GLRA3: variants seen among roughly 807,000 people sequenced by gnomAD.
The protein encoded by GLRA3 is glycine receptor subunit alpha-3.
A neutral mutation model predicts 60.4 loss-of-function variants in GLRA3; 44 were observed. The ratio of observed to expected loss-of-function variants is 0.73; its 90% CI spans 0.57 to 0.94. The LOEUF is 0.94. Ranked by LOEUF, GLRA3 falls within the 40% of genes least tolerant of loss-of-function variation. The pLI is 0.00. For synonymous variants in GLRA3, 223 were observed against 192.9 expected (o/e 1.16, Z -1.29); for missense variants, 508 against 564.6 (o/e 0.90, Z 1.02).
intron 2 of GLRA3, among the ~76,000 whole-genome samples, chr4:174,771,765 C>T (rs1431964784): frequency 6.6e-6 from 1 of 152,046 alleles, no homozygotes; most frequent in Non-Finnish European, 1.5e-5. Flanking sequence ...GTCTTTATTT[C>T]TTGGATTTTA....
rs1732540144 is a variant in GLRA3 at position 174,638,062 on chromosome 4, G to T, written c.*5724C>A. 1 of 152,032 alleles carries T rather than the reference G, an allele frequency of 6.6e-6. No homozygotes were observed. Among genetic ancestry groups the T allele is most frequent in the Admixed American group, 6.6e-5 (1 of 15,250 alleles). The allele number at this position is 152,032 out of a possible 1,614,324, so 9.4% of individuals were successfully genotyped here. The stretch of plus-strand genomic sequence containing the variant: ...ATATGCTAGTTGTCTTATAGGAGGG[G>T]AATAAACTTACTTGGTATTTTAGGA... On this transcript the variant is annotated 3_prime_UTR_variant, in exon 10 of 10. Transcript: ENST00000274093.
intron 7 of GLRA3, among the ~76,000 whole-genome samples, chr4:174,671,898 G>A (rs564149003): frequency 2.6e-5 from 4 of 152,134 alleles, no homozygotes; most frequent in South Asian, 2.1e-4. Flanking sequence ...TGATCCACCC[G>A]CTTCTGCCTC....
chr4:174,805,777 A>C (rs1188365448), intron 1 of GLRA3, among the ~76,000 whole-genome samples: 1 of 152,198 alleles, frequency 6.6e-6, no homozygotes, highest in Admixed American at 6.5e-5. Context: ...ATTTTCAATA[A>C]ACCATAACAT....
intron 5 of GLRA3, among the ~76,000 whole-genome samples, chr4:174,700,782 T>C (rs534730123): frequency 1.3e-5 from 2 of 152,330 alleles, no homozygotes; most frequent in South Asian, 2.1e-4. Context: ...GTGGTCTGCA[T>C]AGATCAAACC....
At chr4:174,671,688 C>T (rs1733914925) in intron 7 of GLRA3, among the ~76,000 whole-genome samples, 1 of 152,088 alleles carries the variant, frequency 6.6e-6, no homozygotes, top group Admixed American at 6.6e-5. Flanking sequence ...CTCATTCTGT[C>T]ACCCAGGCTG....
chr4:174,684,992 A>C (rs1349162882), intron 5 of GLRA3, among the ~76,000 whole-genome samples: 3 of 152,198 alleles, frequency 2.0e-5, no homozygotes, highest in Non-Finnish European at 4.4e-5. Flanking sequence ...TGGGCAACAG[A>C]GTAAGACCCT....
rs1353286779 is a variant in GLRA3 at position 174,639,568 on chromosome 4, C to T, written c.*4218G>A. 1 of 151,998 alleles carries T rather than the reference C, an allele frequency of 6.6e-6. No individual in the cohort carries two copies. Among genetic ancestry groups the T allele is most frequent in the African/African-American group, 2.4e-5 (1 of 41,358 alleles). 9.4% of individuals were successfully genotyped at this position (151,998 alleles called of 1,614,324 possible). A position where few individuals can be genotyped will look rare whatever the true frequency, so the allele number is the denominator to read the frequency against. On this transcript the variant is annotated 3_prime_UTR_variant, in exon 10 of 10. Coordinates refer to ENST00000274093, the MANE Select transcript of GLRA3 (RefSeq NM_006529.4). ...AGCTTCCCCAGGATATTTTTCCCTGCCCTAGTTCCGTTTAAATTGTAGAGA... is the reference window on the plus strand; with the variant it reads ...AGCTTCCCCAGGATATTTTTCCCTGTCCTAGTTCCGTTTAAATTGTAGAGA...
intron 6 of GLRA3, 44 bp from the exon 7 acceptor site, chr4:174,677,336 C>A: frequency 9.4e-7 from 1 of 1,064,308 alleles, no homozygotes; most frequent in South Asian, 1.3e-5. Context: ...ACAAATAGGT[C>A]TTTGTTACGG....
At chr4:174,825,324 C>T (rs1740924514) in intron 1 of GLRA3, among the ~76,000 whole-genome samples, 1 of 151,838 alleles carries the variant, frequency 6.6e-6, no homozygotes, top group African/African-American at 2.4e-5. Context: ...CAAAACATAC[C>T]AAAAGCAAAA....
chr4:174,731,348 C>T (rs535430600), intron 3 of GLRA3, among the ~76,000 whole-genome samples: 13 of 152,162 alleles, frequency 8.5e-5, no homozygotes, highest in African/African-American at 1.9e-4. Flanking sequence ...GGCAAGTAAA[C>T]GGACAGTCAA....
At chr4:174,672,862 A>G (rs956528268) in intron 7 of GLRA3, among the ~76,000 whole-genome samples, 5 of 152,112 alleles carry the variant, frequency 3.3e-5, no homozygotes, top group African/African-American at 1.2e-4. Flanking sequence ...ACTTGAATCT[A>G]GAGATTCCCC....
intron 7 of GLRA3, among the ~76,000 whole-genome samples, chr4:174,661,510 A>T (rs1733439023): frequency 6.6e-6 from 1 of 152,136 alleles, no homozygotes; most frequent in Non-Finnish European, 1.5e-5. Flanking sequence ...GTTCTTATGA[A>T]GGTGCTTTTT....
chr4:174,697,590 C>T (rs888938409), intron 5 of GLRA3, among the ~76,000 whole-genome samples: 7 of 152,212 alleles, frequency 4.6e-5, no homozygotes, highest in Non-Finnish European at 8.8e-5. Flanking sequence ...AATTAAGCAT[C>T]TTCTTAGCAA....
intron 5 of GLRA3, among the ~76,000 whole-genome samples, chr4:174,692,272 G>T (rs1250270711): frequency 4.9e-5 from 7 of 143,010 alleles, no homozygotes; most frequent in Non-Finnish European, 1.1e-4. Context: ...GAGGTGGGGG[G>T]GTCAGCACCC....
intron 3 of GLRA3, among the ~76,000 whole-genome samples, chr4:174,740,158 G>A (rs188501022): frequency 9.9e-5 from 15 of 152,202 alleles, no homozygotes; most frequent in African/African-American, 3.6e-4. Context: ...GCTATAGTGG[G>A]ACAAAAAAGC....
intron 7 of GLRA3, among the ~76,000 whole-genome samples, chr4:174,661,363 C>T (rs562888328): frequency 1.3e-5 from 2 of 152,304 alleles, no homozygotes; most frequent in African/African-American, 2.4e-5. Flanking sequence ...GAAAACTTGA[C>T]TCCCATTATC....
At chr4:174,785,721 C>G (rs1458131216) in intron 2 of GLRA3, among the ~76,000 whole-genome samples, 2 of 152,022 alleles carry the variant, frequency 1.3e-5, no homozygotes, top group Non-Finnish European at 2.9e-5. Context: ...AAGTGAGGAT[C>G]AAATCATTTA....
At chr4:174,757,867 T>G (rs77597328) in intron 3 of GLRA3, among the ~76,000 whole-genome samples, 1 of 152,234 alleles carries the variant, frequency 6.6e-6, no homozygotes, top group Non-Finnish European at 1.5e-5. Context: ...TGATCCCCAG[T>G]GTTGCAGGTG....
intron 2 of GLRA3, among the ~76,000 whole-genome samples, chr4:174,769,425 C>T (rs905043253): frequency 4.6e-5 from 7 of 151,964 alleles, no homozygotes; most frequent in Non-Finnish European, 8.8e-5. Context: ...GAACATTTTC[C>T]TGATATTGGC....
Sources: gnomAD v4.1 joint callset for allele counts (sites outside exome capture counted in the v4.1 genomes callset) on GRCh38, gnomAD v4.1.1 for gene constraint, MANE v1.5 for transcripts, NCBI Gene and HGNC (gene_info 2026-07-23, HGNC 2026-07-21) for gene names.